The following ETS1 variants were observed in gnomAD, a reference collection of about 807,000 sequenced individuals.
ETS1 encodes the protein protein C-ets-1.
ETS1 carries 15 observed loss-of-function variants against 58.6 expected under a neutral mutation model. The ratio of observed to expected loss-of-function variants is 0.26; its 90% CI spans 0.17 to 0.39. The LOEUF (loss-of-function observed/expected upper bound fraction) is 0.39, where lower values mean the gene tolerates loss of function less well. Ranked by LOEUF, ETS1 falls within the 10% of genes least tolerant of loss-of-function variation. The pLI is 1.00. For missense variants in ETS1, 417 were observed against 610.5 expected (o/e 0.68, Z 3.34); for synonymous variants, 214 against 218.2 (o/e 0.98, Z 0.17).
chr11:128,566,087 C>T (rs1023177873), intron 2 of ETS1, among the ~76,000 whole-genome samples: 15 of 152,162 alleles, frequency 9.9e-5, no homozygotes, highest in Admixed American at 2.0e-4. Flanking sequence ...TGTAAACCAC[C>T]GGCTGTGACA....
At chr11:128,586,781 T>A (rs1865039171) in intron 1 of ETS1, among the ~76,000 whole-genome samples, 2 of 152,156 alleles carry the variant, frequency 1.3e-5, no homozygotes. Flanking sequence ...ACATACAAAG[T>A]GTCACGGCCA....
intron 9 of ETS1, among the ~76,000 whole-genome samples, chr11:128,462,926 T>C (rs532845241): frequency 6.6e-6 from 1 of 152,374 alleles, no homozygotes; most frequent in East Asian, 1.9e-4. Flanking sequence ...TTTGCAAGCA[T>C]GAAATCTAAC....
At position 128,460,164 on chromosome 11, in the gene ETS1, CCAA is replaced by C. The variant is rs1315887535; in HGVS notation, c.*2194_*2196del. On this transcript the variant is annotated 3_prime_UTR_variant, in exon 10 of 10. Transcript: ENST00000392668. ...TCACACACACACCTTTTGCCAGTGC[CCAA>C]CAAAAATCACATAATCTAAGAGAAA... is the stretch of plus-strand genomic sequence containing the variant. 1.3e-5 allele frequency: 2 copies of C among 152,568 alleles called. No homozygotes were observed. Among genetic ancestry groups the C allele is most frequent in the African/African-American group, 2.4e-5 (1 of 41,338 alleles). The allele number at this position is 152,568 out of a possible 1,614,324, so 9.5% of individuals were successfully genotyped here.
chr11:128,580,165 C>T (rs1864836390), intron 1 of ETS1, among the ~76,000 whole-genome samples: 2 of 114,226 alleles, frequency 1.8e-5, no homozygotes, highest in East Asian at 2.5e-4. Flanking sequence ...AGTAAGTTAT[C>T]GTTTGGACAT....
intron 3 of ETS1, among the ~76,000 whole-genome samples, chr11:128,537,463 C>T (rs1863988529): frequency 6.6e-6 from 1 of 152,094 alleles, no homozygotes; most frequent in African/African-American, 2.4e-5. Context: ...TGCCTGAGTT[C>T]AAGTATGAAC....
chr11:128,471,512 T>C (rs984983660), intron 8 of ETS1, among the ~76,000 whole-genome samples: 1 of 152,232 alleles, frequency 6.6e-6, no homozygotes, highest in Non-Finnish European at 1.5e-5. Flanking sequence ...TCAGTAACTC[T>C]GTCTAACACA....
chr11:128,469,870 C>G (rs537982988), intron 8 of ETS1, among the ~76,000 whole-genome samples: 42 of 152,338 alleles, frequency 2.8e-4, no homozygotes, highest in African/African-American at 8.9e-4. Flanking sequence ...TCATCTCTAA[C>G]ACACTCCATG....
chr11:128,495,310 GA>G (rs890990124), intron 3 of ETS1, among the ~76,000 whole-genome samples: 35 of 148,512 alleles, frequency 2.4e-4, no homozygotes, highest in African/African-American at 7.2e-4. Context: ...TCAGAGCTGA[GA>G]AAAAAAAAAT....
chr11:128,489,741 A>G (rs1012871196), intron 4 of ETS1, among the ~76,000 whole-genome samples: 3 of 152,190 alleles, frequency 2.0e-5, no homozygotes, highest in African/African-American at 7.2e-5. Flanking sequence ...CCACATGAGT[A>G]TTCTCTGTCC....
intron 2 of ETS1, among the ~76,000 whole-genome samples, chr11:128,559,021 T>C (rs998528585): frequency 1.3e-5 from 2 of 152,244 alleles, no homozygotes; most frequent in Non-Finnish European, 2.9e-5. Flanking sequence ...TGAAGAATTC[T>C]AAGTTACCCA....
chr11:128,472,867 C>T (rs909835926), intron 8 of ETS1, among the ~76,000 whole-genome samples: 4 of 152,150 alleles, frequency 2.6e-5, no homozygotes, highest in Non-Finnish European at 5.9e-5. Context: ...TTCATAGATG[C>T]TCCTTCCGTA....
chr11:128,571,501 CAAAAAAA>C lies in ETS1; in HGVS notation c.69+1554_69+1560del, dbSNP rs563312769. 1.2e-3 allele frequency among the ~76,000 whole-genome samples: 39 copies of C among 32,894 alleles called. 1 individual carries two copies. The highest frequency in any genetic ancestry group is 0.05 in the Middle Eastern group (2 of 40). The allele number at this position is 32,894 out of a possible 152,430, so 21.6% of individuals were successfully genotyped here. On this transcript the variant is annotated intron_variant, in intron 2 of 9. Coordinates refer to ENST00000392668, the MANE Select transcript of ETS1 (RefSeq NM_001143820.2). ...CCTGGGCGACAGAGCAAGACTCCGTCAAAAAAAAAAAAAAAAAAAAAAAAAAAAAAAA... is the reference window on the plus strand; with the variant it reads ...CCTGGGCGACAGAGCAAGACTCCGTCAAAAAAAAAAAAAAAAAAAAAAAAA...
At chr11:128,506,990 G>T (rs563404971) in intron 3 of ETS1, among the ~76,000 whole-genome samples, 2 of 152,254 alleles carry the variant, frequency 1.3e-5, no homozygotes, top group Non-Finnish European at 2.9e-5. Context: ...CATCAGACAG[G>T]GCTCTTTCGC....
intron 1 of ETS1, among the ~76,000 whole-genome samples, chr11:128,577,537 C>A (rs931870455): frequency 6.6e-6 from 1 of 152,180 alleles, no homozygotes; most frequent in Non-Finnish European, 1.5e-5. Flanking sequence ...AAGTAGCTGG[C>A]ACATAGATAA....
intron 3 of ETS1, among the ~76,000 whole-genome samples, chr11:128,544,422 CTAGGGAAATG>C (rs1380602023): frequency 1.4e-5 from 2 of 146,856 alleles, no homozygotes; most frequent in Admixed American, 7.0e-5. Flanking sequence ...GCAGGCAGCC[CTAGGGAAATG>C]TAGGGAAATG....
intron 3 of ETS1, among the ~76,000 whole-genome samples, chr11:128,550,090 T>G (rs1333329340): frequency 6.6e-6 from 1 of 151,980 alleles, no homozygotes; most frequent in Non-Finnish European, 1.5e-5. Flanking sequence ...TTGGAAAGAG[T>G]GTATTTCACC....
intron 8 of ETS1, among the ~76,000 whole-genome samples, chr11:128,478,358 AAGGAGGAAGGAAGGG>A: frequency 4.5e-5 from 1 of 21,982 alleles, no homozygotes; most frequent in Non-Finnish European, 7.8e-5. Flanking sequence ...AGGAGGAAGG[AAGGAGGAAGGAAGGG>A]AGGGAGGGAG....
chr11:128,499,813 G>A lies in ETS1; in HGVS notation c.215-9237C>T, dbSNP rs188095298. ...TTGGTCGGGGGGTAAAACAGGCATC[G>A]GGAGAGTGGTGCTGAGAATCACCAA... On this transcript the variant is annotated intron_variant, in intron 3 of 9. Transcript: ENST00000392668. Among the ~76,000 whole-genome samples the A allele has an allele frequency of 2.4e-4, 36 of 152,152 alleles. 1 individual carries two copies. The highest frequency in any genetic ancestry group is 2.8e-4 in the Non-Finnish European group (19 of 67,958).
At chr11:128,521,838 A>G (rs1426424012) in intron 3 of ETS1, 3 of 1,189,426 alleles carry the variant, frequency 2.5e-6, no homozygotes, top group Admixed American at 4.4e-5. Flanking sequence ...GGAACGGCGA[A>G]AGGGGGAAGA....
Sources: allele counts gnomAD v4.1 joint callset (sites outside exome capture counted in the v4.1 genomes callset), GRCh38; gene constraint gnomAD v4.1.1; transcripts MANE v1.5; gene names NCBI Gene and HGNC (gene_info 2026-07-23, HGNC 2026-07-21).